CENPP: variants seen among roughly 807,000 people sequenced by gnomAD.
The protein encoded by CENPP is centromere protein P.
A neutral mutation model predicts 35.6 loss-of-function variants in CENPP; 24 were observed. The ratio of observed to expected loss-of-function variants is 0.67; its 90% CI spans 0.49 to 0.95. The LOEUF is 0.95. Among genes scored for constraint, CENPP ranks in the 40% least tolerant of loss-of-function variants. The pLI is 0.00. For synonymous variants in CENPP, 120 were observed against 125.5 expected, an observed-to-expected ratio of 0.96 and a Z score of 0.29; for missense variants, 332 against 345.3, an observed-to-expected ratio of 0.96 and a Z score of 0.31.
chr9:92,470,765 T>G, intron 5 of CENPP: 1 of 1,591,888 alleles, frequency 6.3e-7, no homozygotes, highest in Non-Finnish European at 8.6e-7. Flanking sequence ...GAATGTTGGT[T>G]GGGACTGAGG....
rs566814976 is a variant in CENPP, at chr9:92,594,198, T to G, written c.565-17116T>G. Among the ~76,000 whole-genome samples the G allele has an allele frequency of 3.9e-5, 6 of 152,290 alleles. No individual in the cohort carries two copies. In the South Asian group the frequency reaches 1.2e-3, roughly 32 times the overall value. ...TTAAGAAAAAACCAGGTGAGGGTCT[T>G]GGAGGAGCCTGTGCAGGGAGGCTCC... On this transcript the variant is annotated intron_variant, in intron 5 of 7. Coordinates refer to ENST00000375587, the MANE Select transcript of CENPP (RefSeq NM_001012267.3).
At chr9:92,602,710 G>A (rs1330063485) in intron 5 of CENPP, among the ~76,000 whole-genome samples, 3 of 152,230 alleles carry the variant, frequency 2.0e-5, no homozygotes, top group Non-Finnish European at 4.4e-5. Flanking sequence ...GTGTCCAGGG[G>A]CGAGGGGTAC....
intron 5 of CENPP, among the ~76,000 whole-genome samples, chr9:92,602,997 G>A (rs1260818360): frequency 6.6e-6 from 1 of 152,100 alleles, no homozygotes; most frequent in East Asian, 1.9e-4. Context: ...CACCATGTTG[G>A]ATAGGGTGGT....
rs1404597348 is a variant in CENPP, at chr9:92,476,590, A to G, written c.564+96731A>G. Among the ~76,000 whole-genome samples the G allele has an allele frequency of 6.6e-6, 1 of 152,198 alleles. No homozygotes were observed. The highest frequency in any genetic ancestry group is 6.5e-5 in the Admixed American group (1 of 15,292). On this transcript the variant is annotated intron_variant, in intron 5 of 7. Transcript: ENST00000375587. The surrounding 1 kb of genome is among the most constrained non-coding windows in gnomAD (Gnocchi z 4.1). ...GTGATAATCCACACTAACTTATGCT[A>G]GGAAGGAGGTTACAGGACAGATCTG...
At chr9:92,448,260 T>A (rs901785387) in intron 5 of CENPP, among the ~76,000 whole-genome samples, 1 of 151,550 alleles carries the variant, frequency 6.6e-6, no homozygotes. Context: ...GGTTAGGGGT[T>A]TTTCTCTTTT....
At chr9:92,351,288 A>ATTT (rs2130813769) in intron 4 of CENPP, among the ~76,000 whole-genome samples, 1 of 152,034 alleles carries the variant, frequency 6.6e-6, no homozygotes, top group South Asian at 2.1e-4. Flanking sequence ...CAGGAGTTCA[A>ATTT]ATCCAGCATG....
chr9:92,448,401 C>A (rs565500800), intron 5 of CENPP, among the ~76,000 whole-genome samples: 1 of 152,086 alleles, frequency 6.6e-6, no homozygotes, highest in South Asian at 2.1e-4. Flanking sequence ...TCCCAAGTAG[C>A]TGGGATTACA....
At chr9:92,580,891 G>T (rs1335139931) in intron 5 of CENPP, among the ~76,000 whole-genome samples, 1 of 152,138 alleles carries the variant, frequency 6.6e-6, no homozygotes, top group Non-Finnish European at 1.5e-5. Context: ...TAATTGTGAT[G>T]TTAGGGTGTC....
intron 5 of CENPP, among the ~76,000 whole-genome samples, chr9:92,408,974 C>T (rs777112005): frequency 2.0e-4 from 31 of 152,234 alleles, no homozygotes; most frequent in Non-Finnish European, 3.7e-4. Context: ...AATATGAGAA[C>T]CCATGTATTT....
chr9:92,373,666 A>G (rs906400184), intron 4 of CENPP, among the ~76,000 whole-genome samples: 4 of 152,060 alleles, frequency 2.6e-5, no homozygotes, highest in Non-Finnish European at 4.4e-5. Context: ...TCTCTACTAA[A>G]AATACAAAAT....
chr9:92,378,194 G>A (rs1842166233), intron 4 of CENPP, among the ~76,000 whole-genome samples: 1 of 152,132 alleles, frequency 6.6e-6, no homozygotes, highest in Non-Finnish European at 1.5e-5. Flanking sequence ...CTTATTGTTG[G>A]CAGTGATGGT....
intron 5 of CENPP, among the ~76,000 whole-genome samples, chr9:92,537,644 A>C (rs1390046039): frequency 6.6e-6 from 1 of 152,176 alleles, no homozygotes; most frequent in African/African-American, 2.4e-5. Context: ...TGGGCAACAG[A>C]GCGAGACTAC....
chr9:92,545,292 C>T (rs972350909), intron 5 of CENPP, among the ~76,000 whole-genome samples: 1 of 151,998 alleles, frequency 6.6e-6, no homozygotes, highest in African/African-American at 2.4e-5. Context: ...GGGCGGGAAC[C>T]AGGGCTGCGT....
intron 4 of CENPP, among the ~76,000 whole-genome samples, chr9:92,375,120 A>G (rs996444167): frequency 2.0e-5 from 3 of 152,072 alleles, no homozygotes; most frequent in African/African-American, 7.2e-5. Flanking sequence ...ATTTCTCAAG[A>G]TATAATTTCA....
chr9:92,551,949 AT>A (rs1563999994), intron 5 of CENPP, among the ~76,000 whole-genome samples: 13 of 122,734 alleles, frequency 1.1e-4, no homozygotes, highest in African/African-American at 3.7e-4. Flanking sequence ...ATATATATAT[AT>A]ATGATATATA....
chr9:92,408,868 A>G (rs7032623), intron 5 of CENPP, among the ~76,000 whole-genome samples: 1,611 of 152,166 alleles, frequency 0.011, 30 homozygotes, highest in African/African-American at 0.037. Context: ...ACCCTTTTTA[A>G]TCCAGCATTC....
chr9:92,388,655 A>G (rs988066997), intron 5 of CENPP, among the ~76,000 whole-genome samples: 1 of 151,904 alleles, frequency 6.6e-6, no homozygotes, highest in Non-Finnish European at 1.5e-5. Context: ...AGCCTGGCCA[A>G]CACCCATCTC....
rs1244670824 is a variant in CENPP, at chr9:92,546,681, C to T, written c.565-64633C>T. On this transcript the variant is annotated intron_variant, in intron 5 of 7. Transcript: ENST00000375587. Reference sequence around the variant, plus strand: ...GAACTGTAACACTCACCGTGAGGGTCCGCGGCTTCATTCTTGAAGTCAGTG... The same window carrying T: ...GAACTGTAACACTCACCGTGAGGGTTCGCGGCTTCATTCTTGAAGTCAGTG... 1.3e-5 allele frequency among the ~76,000 whole-genome samples: 2 copies of T among 152,172 alleles called. 1 individual carries two copies.
In CENPP at chr9:92,402,367, A is replaced by G. The variant is rs561290232; in HGVS notation, c.564+22508A>G. Among the ~76,000 whole-genome samples, 3 of 152,366 alleles carry G rather than the reference A, an allele frequency of 2.0e-5. No individual in the cohort carries two copies. In the East Asian group the frequency reaches 5.8e-4, roughly 29 times the overall value. On this transcript the variant is annotated intron_variant, in intron 5 of 7. Transcript: ENST00000375587. The stretch of plus-strand genomic sequence containing the variant: ...GAGAAAGTAGCAATTATAACTGGTC[A>G]ATCTTATAAGTCTTTATCCTCCAAT...
Sources: gnomAD v4.1 joint callset for allele counts (sites outside exome capture counted in the v4.1 genomes callset) on GRCh38, gnomAD v4.1.1 for gene constraint, Gnocchi (gnomAD v3.1) non-coding constraint, MANE v1.5 for transcripts, NCBI Gene and HGNC (gene_info 2026-07-23, HGNC 2026-07-21) for gene names.